CREBBP: variants seen among roughly 807,000 people sequenced by gnomAD.
CREBBP encodes the protein CREB-binding protein.
In CREBBP, 19 loss-of-function variants were observed where a neutral mutation model predicts 265.0. The observed-to-expected ratio is 0.07, with a 90% CI of 0.05 to 0.11. CREBBP has a LOEUF of 0.11. Ranked by LOEUF, CREBBP falls within the 10% of genes least tolerant of loss-of-function variation. CREBBP has a pLI of 1.00. For missense variants in CREBBP, 2,525 were observed against 3,219.0 expected (o/e 0.78, Z 5.22); for synonymous variants, 1,457 against 1,223.7 (o/e 1.19, Z -3.98).
intron 3 of CREBBP, among the ~76,000 whole-genome samples, chr16:3,802,163 G>A (rs1489840719): frequency 4.1e-5 from 4 of 97,830 alleles, no homozygotes; most frequent in African/African-American, 1.3e-4. Context: ...ACAGAGTCTC[G>A]CTCTGTCACC....
At chr16:3,732,171 A>G (rs1225983692) in intron 28 of CREBBP, among the ~76,000 whole-genome samples, 6 of 152,160 alleles carry the variant, frequency 3.9e-5, no homozygotes, top group Non-Finnish European at 8.8e-5. Flanking sequence ...CGCTGCCTCT[A>G]AAGGGGAAAA....
intron 11 of CREBBP, 152 bp downstream of exon 11, chr16:3,777,461 C>T (rs766191400): frequency 1.3e-6 from 1 of 794,392 alleles, no homozygotes; most frequent in Non-Finnish European, 2.2e-6. Context: ...CATATCCATA[C>T]TACCTGTAGA....
chr16:3,842,595 G>C (rs2054585127), intron 2 of CREBBP, among the ~76,000 whole-genome samples: 1 of 152,058 alleles, frequency 6.6e-6, no homozygotes, highest in South Asian at 2.1e-4. Context: ...GTAATATCAT[G>C]TATTGTTAAT....
chr16:3,798,540 G>C (rs1451013778), intron 3 of CREBBP, among the ~76,000 whole-genome samples: 1 of 152,186 alleles, frequency 6.6e-6, no homozygotes, highest in Non-Finnish European at 1.5e-5. Flanking sequence ...TTTATGCAAA[G>C]AAGATACACG....
At chr16:3,841,312 C>T (rs1015383569) in intron 2 of CREBBP, among the ~76,000 whole-genome samples, 2 of 152,006 alleles carry the variant, frequency 1.3e-5, no homozygotes, top group Non-Finnish European at 2.9e-5. Flanking sequence ...TGAAACCCAA[C>T]ACCGAGAATT....
chr16:3,745,328 C>A lies in CREBBP; in HGVS notation c.3863G>T (p.Arg1288Leu), dbSNP rs371780176. 1 of 1,613,972 alleles carries A rather than the reference C, an allele frequency of 6.2e-7. No individual in the cohort carries two copies. Among genetic ancestry groups the A allele is most frequent in the Admixed American group, 1.7e-5 (1 of 59,986 alleles). The change falls in exon 22 of 31, where the codon CGG becomes CTG. Residue 1288 changes from arginine to leucine, a missense_variant. Arg to Leu is a moderately radical substitution (Grantham distance 102). Around this residue, in one of 19 missense-constraint regions of CREBBP, gnomAD observed 252 missense variants for 452.5 expected, o/e 0.56. Transcript: ENST00000262367. Reference sequence around the variant, plus strand: ...CAGAACGCAAATCTGATGCATCTTCCGGCCACACTCCTTGCAATCAACGAA... The same window carrying A: ...CAGAACGCAAATCTGATGCATCTTCAGGCCACACTCCTTGCAATCAACGAA... ...EPFVDCKECG[R>L]KMHQICVLHY...
chr16:3,814,943 G>A (rs924002222), intron 2 of CREBBP, among the ~76,000 whole-genome samples: 3 of 152,170 alleles, frequency 2.0e-5, no homozygotes, highest in Non-Finnish European at 2.9e-5. Context: ...CTCTCACAGG[G>A]TATCACTGCT....
intron 1 of CREBBP, among the ~76,000 whole-genome samples, chr16:3,860,756 T>C (rs1476388689): frequency 6.6e-6 from 1 of 151,946 alleles, no homozygotes; most frequent in Non-Finnish European, 1.5e-5. Flanking sequence ...AGATGAGGAA[T>C]CTAGAGAGTG....
At chr16:3,758,473 G>C (rs2052637333) in intron 17 of CREBBP, among the ~76,000 whole-genome samples, 1 of 152,178 alleles carries the variant, frequency 6.6e-6, no homozygotes, top group African/African-American at 2.4e-5. Context: ...CTGCTACATA[G>C]AATCGGCTGG....
intron 21 of CREBBP, among the ~76,000 whole-genome samples, chr16:3,747,369 C>T (rs2052366385): frequency 1.3e-5 from 2 of 152,340 alleles, no homozygotes; most frequent in South Asian, 2.1e-4. Context: ...ACTCTAGGGG[C>T]CTTGTAGTTT....
chr16:3,802,847 C>A (rs1008100596), intron 3 of CREBBP, among the ~76,000 whole-genome samples: 15 of 152,114 alleles, frequency 9.9e-5, no homozygotes, highest in Non-Finnish European at 1.9e-4. Context: ...CCCCCACCCA[C>A]CTGGAAACCT....
chr16:3,849,866 C>T (rs2054790244), intron 2 of CREBBP, among the ~76,000 whole-genome samples: 1 of 152,108 alleles, frequency 6.6e-6, no homozygotes, highest in South Asian at 2.1e-4. Flanking sequence ...CCACCTCTTC[C>T]TTGTTAACAT....
At chr16:3,811,814 C>T (rs946474771) in intron 2 of CREBBP, among the ~76,000 whole-genome samples, 10 of 152,058 alleles carry the variant, frequency 6.6e-5, no homozygotes, top group South Asian at 6.2e-4. Context: ...TTCCTAATAA[C>T]GTTTTCTTTT....
intron 2 of CREBBP, among the ~76,000 whole-genome samples, chr16:3,828,833 A>G (rs2054288690): frequency 6.6e-6 from 1 of 152,206 alleles, no homozygotes. Context: ...TCCTTGTTAT[A>G]AAAGACATAT....
chr16:3,857,963 T>G (rs1028495586), intron 1 of CREBBP, among the ~76,000 whole-genome samples: 2 of 152,116 alleles, frequency 1.3e-5, no homozygotes, highest in African/African-American at 4.8e-5. Context: ...AAGGAGAAAG[T>G]TACAGCCAAA....
In CREBBP at chr16:3,780,812, A is replaced by C. The variant is rs117115765; in HGVS notation, c.1743T>G (p.Ala581=). The change falls in exon 8 of 31, where the codon GCT becomes GCG. Residue 581 remains alanine (A), a synonymous_variant. Coordinates refer to ENST00000262367, the MANE Select transcript of CREBBP (RefSeq NM_004380.3). ...TCCTTACACCGGTGCTAGAAGGAGG[A>C]GCTGCTGTTGGTATAGTGCTGAGGG... ...IGTLSTIPTA[A]PPSSTGVRKG... 299 of 1,613,878 alleles carry C rather than the reference A, an allele frequency of 1.9e-4. 3 individuals are homozygous for C. Among genetic ancestry groups the C allele is most frequent in the South Asian group, 1.2e-3 (108 of 91,068 alleles).
At position 3,863,583 on chromosome 16, in the gene CREBBP, CAG is replaced by C. The variant is rs767731419; in HGVS notation, c.86-12576_86-12575del. Among the ~76,000 whole-genome samples the C allele has an allele frequency of 2.6e-5, 4 of 152,228 alleles. No homozygotes were observed. In the East Asian group the frequency reaches 7.7e-4, roughly 29 times the overall value. The stretch of plus-strand genomic sequence containing the variant: ...CGCCACTGCACTCCAGCCTGGGTGA[CAG>C]AGCAAGATTCTGTCTCAAAACAAAA... On this transcript the variant is annotated intron_variant, in intron 1 of 30. Transcript: ENST00000262367.
Position 3,739,581 on chromosome 16 carries a change from G to A in CREBBP, c.4277C>T (p.Thr1426Met), listed in dbSNP as rs145988918. 49 of 1,614,038 alleles carry A rather than the reference G, an allele frequency of 3.0e-5. No homozygotes were observed. The highest frequency in any genetic ancestry group is 4.0e-5 in the African/African-American group (3 of 74,904). The change falls in exon 25 of 31, where the codon ACG (threonine) becomes ATG (methionine). Residue 1426 changes from threonine to methionine, a missense_variant. Thr to Met is a moderately conservative substitution (Grantham distance 81). Coordinates refer to ENST00000262367, the MANE Select transcript of CREBBP (RefSeq NM_004380.3). ...CTGGAAGGAGCTGGAAAACTACCTC[G>A]TGTTTGGAGGGGGGCAATCAGAGCC... ...EYGSDCPPPN[T>M]RRVYISYLDS...
At chr16:3,757,171 G>A (rs1207963785) in intron 19 of CREBBP, 117 bp downstream of exon 19, 4 of 861,888 alleles carry the variant, frequency 4.6e-6, no homozygotes, top group Non-Finnish European at 7.7e-6. Context: ...ACCACACCCG[G>A]CCTGAAATTG....
Sources: allele counts gnomAD v4.1 joint callset (sites outside exome capture counted in the v4.1 genomes callset), GRCh38; gene constraint gnomAD v4.1.1; regional missense constraint gnomAD v4.1.1; transcripts MANE v1.5; gene names NCBI Gene and HGNC (gene_info 2026-07-23, HGNC 2026-07-21).